MAGI2: variants seen among roughly 807,000 people sequenced by gnomAD.
MAGI2 encodes membrane-associated guanylate kinase, WW and PDZ domain-containing protein 2.
Under a neutral mutation model 133.3 loss-of-function variants are expected in MAGI2, and 35 were observed. The observed-to-expected ratio is 0.26, with a 90% CI of 0.20 to 0.35. The LOEUF (loss-of-function observed/expected upper bound fraction) is 0.35, where lower values mean the gene tolerates loss of function less well. Ranked by LOEUF, MAGI2 falls within the 10% of genes least tolerant of loss-of-function variation. The probability of loss-of-function intolerance (pLI) is 1.00; values close to 1 mark genes in which losing one functional copy is unlikely to be tolerated. For synonymous variants in MAGI2, 729 were observed against 710.6 expected (o/e 1.03, Z -0.41); for missense variants, 1,636 against 1,863.4 (o/e 0.88, Z 2.25).
At chr7:78,835,446 C>A (rs952676110) in intron 2 of MAGI2, among the ~76,000 whole-genome samples, 6 of 152,140 alleles carry the variant, frequency 3.9e-5, no homozygotes, top group African/African-American at 1.4e-4. Context: ...TAAATTTGAT[C>A]TTATATATCC....
At chr7:79,276,274 A>G (rs1460313106) in intron 1 of MAGI2, among the ~76,000 whole-genome samples, 1 of 152,154 alleles carries the variant, frequency 6.6e-6, no homozygotes, top group Non-Finnish European at 1.5e-5. Flanking sequence ...CTCAGGGATG[A>G]CTTTGAGGAG....
chr7:79,450,820 T>G (rs963294693), intron 1 of MAGI2, among the ~76,000 whole-genome samples: 6 of 152,188 alleles, frequency 3.9e-5, no homozygotes, highest in African/African-American at 9.7e-5. Context: ...CCCACAATGA[T>G]GGGAACTTCA....
intron 1 of MAGI2, among the ~76,000 whole-genome samples, chr7:79,451,945 C>G (rs2129208859): frequency 6.6e-6 from 1 of 152,312 alleles, no homozygotes; most frequent in East Asian, 1.9e-4. Context: ...AAACTTTTAT[C>G]TCACTCTTCT....
intron 4 of MAGI2, among the ~76,000 whole-genome samples, chr7:78,506,412 G>C (rs1281474906): frequency 1.3e-5 from 2 of 152,106 alleles, no homozygotes; most frequent in Non-Finnish European, 2.9e-5. Context: ...ACAGCATATG[G>C]CTAGATGGTA....
chr7:79,121,747 T>G (rs1297117532), intron 1 of MAGI2, among the ~76,000 whole-genome samples: 1 of 152,102 alleles, frequency 6.6e-6, no homozygotes, highest in Non-Finnish European at 1.5e-5. Context: ...CTAATGAAAG[T>G]TTTTTCTTTC....
chr7:78,034,591 G>A (rs1469099923), intron 21 of MAGI2, among the ~76,000 whole-genome samples: 1 of 152,048 alleles, frequency 6.6e-6, no homozygotes, highest in East Asian at 1.9e-4. Context: ...GCAGTAGCGT[G>A]ATCTTGCCTC....
At chr7:78,466,202 C>G (rs1184210724) in intron 6 of MAGI2, among the ~76,000 whole-genome samples, 1 of 152,192 alleles carries the variant, frequency 6.6e-6, no homozygotes, top group Non-Finnish European at 1.5e-5. Context: ...CTTATTGAGC[C>G]CCTTTTCCGA....
chr7:78,819,359 T>C (rs1279940389), intron 2 of MAGI2, among the ~76,000 whole-genome samples: 2 of 152,054 alleles, frequency 1.3e-5, no homozygotes, highest in Non-Finnish European at 2.9e-5. Context: ...GGTTCAGAAG[T>C]TTAAAGTCAA....
chr7:78,654,381 A>G lies in MAGI2; in HGVS notation c.419-27142T>C, dbSNP rs954575891. ...ATTATTTAAATTATGTTAAATAGAT[A>G]TATCAGCACCTCCCAACCTGAGTCT... On this transcript the variant is annotated intron_variant, in intron 2 of 21. Coordinates refer to ENST00000354212, the MANE Select transcript of MAGI2 (RefSeq NM_012301.4). 5.9e-5 allele frequency among the ~76,000 whole-genome samples: 9 copies of G among 152,244 alleles called. No homozygotes were observed. The South Asian group carries it at 1.9e-3, about 32-fold the overall frequency.
At chr7:78,858,502 G>C (rs575977329) in intron 2 of MAGI2, among the ~76,000 whole-genome samples, 2 of 152,046 alleles carry the variant, frequency 1.3e-5, no homozygotes, top group African/African-American at 4.8e-5. Flanking sequence ...CCTTCCTTTC[G>C]TTATGCACCC....
intron 9 of MAGI2, among the ~76,000 whole-genome samples, chr7:78,318,545 T>C (rs1426414015): frequency 6.6e-6 from 1 of 152,168 alleles, no homozygotes; most frequent in Non-Finnish European, 1.5e-5. Context: ...GAAAACACTC[T>C]TCAGGATATT....
At chr7:79,359,077 A>T (rs1842205495) in intron 1 of MAGI2, among the ~76,000 whole-genome samples, 1 of 152,232 alleles carries the variant, frequency 6.6e-6, no homozygotes, top group Admixed American at 6.5e-5. Flanking sequence ...AAAGCAACAA[A>T]ATAAAAATGC....
intron 1 of MAGI2, among the ~76,000 whole-genome samples, chr7:79,045,486 T>C (rs184229358): frequency 9.2e-5 from 14 of 152,332 alleles, no homozygotes; most frequent in African/African-American, 3.4e-4. Context: ...ACTAAGTGTA[T>C]GCTGTTAAGA....
chr7:78,523,616 A>G (rs1417532435), intron 3 of MAGI2, among the ~76,000 whole-genome samples: 1 of 152,210 alleles, frequency 6.6e-6, no homozygotes, highest in Non-Finnish European at 1.5e-5. Flanking sequence ...CAATCATGGC[A>G]AAAGGGGAAG....
intron 3 of MAGI2, among the ~76,000 whole-genome samples, chr7:78,557,925 A>G (rs1799992979): frequency 6.6e-6 from 1 of 151,894 alleles, no homozygotes; most frequent in Non-Finnish European, 1.5e-5. Context: ...CATCCTGGCT[A>G]CTCTAGGTGG....
At chr7:78,422,134 G>C (rs972338725) in intron 6 of MAGI2, among the ~76,000 whole-genome samples, 8 of 152,184 alleles carry the variant, frequency 5.3e-5, no homozygotes, top group Non-Finnish European at 1.0e-4. Context: ...GATGCCATTA[G>C]GGAGAATGCC....
At chr7:78,892,880 G>T (rs1796884596) in intron 2 of MAGI2, among the ~76,000 whole-genome samples, 1 of 152,180 alleles carries the variant, frequency 6.6e-6, no homozygotes, top group African/African-American at 2.4e-5. Context: ...TTGACAAATG[G>T]GATCTAATTA....
At chr7:78,137,906 A>T (rs117052463) in intron 16 of MAGI2, among the ~76,000 whole-genome samples, 294 of 113,206 alleles carry the variant, frequency 2.6e-3, no homozygotes, top group Non-Finnish European at 4.5e-3. Context: ...TACCTACCTG[A>T]GCCAAGCACT....
rs560479255 is a variant in MAGI2, at chr7:79,234,047, C to T, written c.301+218973G>A. Among the ~76,000 whole-genome samples, 289 of 142,156 alleles carry T rather than the reference C, an allele frequency of 2.0e-3. 1 individual carries two copies. The highest frequency in any genetic ancestry group is 7.1e-3 in the African/African-American group (270 of 38,136). 93.3% of individuals were successfully genotyped at this position (142,156 alleles called of 152,430 possible). A position where few individuals can be genotyped will look rare whatever the true frequency, so the allele number is the denominator to read the frequency against. On this transcript the variant is annotated intron_variant, in intron 1 of 21. Transcript: ENST00000354212. ...TGTAAAGTATTTTATTTCTCCTTCG[C>T]TTATGAAGCTTAGTTTGGCTGGATA...
Sources: allele counts gnomAD v4.1 joint callset (sites outside exome capture counted in the v4.1 genomes callset), GRCh38; gene constraint gnomAD v4.1.1; transcripts MANE v1.5; gene names NCBI Gene and HGNC (gene_info 2026-07-23, HGNC 2026-07-21).